Variants in ZBTB5 observed in about 807,000 individuals in gnomAD.
ZBTB5 encodes zinc finger and BTB domain-containing protein 5.
In ZBTB5, 15 loss-of-function variants were observed where a neutral mutation model predicts 37.9. The observed-to-expected ratio is 0.40, with a 90% confidence interval of 0.26 to 0.61. The LOEUF (loss-of-function observed/expected upper bound fraction) is 0.61, where lower values mean the gene tolerates loss of function less well. ZBTB5 is among the 20% of genes least tolerant of loss of function. The pLI, the probability that ZBTB5 is intolerant of heterozygous loss-of-function variation, is 0.47. For synonymous variants in ZBTB5, 315 were observed against 312.4 expected (o/e 1.01, Z -0.09); for missense variants, 708 against 856.8 (o/e 0.83, Z 2.17).
chr9:37,459,571 T>C (rs997615381), intron 1 of ZBTB5, among the ~76,000 whole-genome samples: 45 of 151,826 alleles, frequency 3.0e-4, no homozygotes, highest in African/African-American at 9.4e-4. Flanking sequence ...TTTTTTTTTT[T>C]CAGGCAGAGT....
intron 1 of ZBTB5, among the ~76,000 whole-genome samples, chr9:37,464,346 T>A (rs769921436): frequency 1.3e-5 from 2 of 152,236 alleles, no homozygotes; most frequent in Non-Finnish European, 2.9e-5. Context: ...AAGAGTTCCT[T>A]CTATTAATTC....
intron 1 of ZBTB5, 77 bp from the exon 2 acceptor site, chr9:37,442,632 G>C: frequency 1.6e-6 from 2 of 1,213,782 alleles, no homozygotes; most frequent in South Asian, 1.6e-5. Flanking sequence ...ATGATGAAAA[G>C]AGTGGAATGG....
chr9:37,456,440 T>G (rs1178401869), intron 1 of ZBTB5, among the ~76,000 whole-genome samples: 1 of 152,226 alleles, frequency 6.6e-6, no homozygotes, highest in East Asian at 1.9e-4. Flanking sequence ...TATCTCTGGT[T>G]CTGCTCTGTC....
intron 1 of ZBTB5, among the ~76,000 whole-genome samples, chr9:37,448,944 T>G (rs1824046085): frequency 6.6e-6 from 1 of 151,428 alleles, no homozygotes; most frequent in Admixed American, 6.6e-5. Context: ...CTGGGGAGGC[T>G]GAGGCAGGAG....
Position 37,458,827 on chromosome 9 carries a change from A to C in ZBTB5, c.-5+6388T>G, listed in dbSNP as rs147239779. On this transcript the variant is annotated intron_variant, in intron 1 of 1. Transcript: ENST00000307750. ...GCTATAAAACAAGGTATGGGTAAAA[A>C]TTCATTCAAGGTACAAAACATAAGC... 1.9e-3 allele frequency among the ~76,000 whole-genome samples: 295 copies of C among 152,382 alleles called. 2 individuals are homozygous for C. Among genetic ancestry groups the C allele is most frequent in the African/African-American group, 6.8e-3 (282 of 41,590 alleles).
chr9:37,445,349 A>C (rs529151444), intron 1 of ZBTB5, among the ~76,000 whole-genome samples: 1 of 152,290 alleles, frequency 6.6e-6, no homozygotes, highest in East Asian at 1.9e-4. Flanking sequence ...TGTTATTTAG[A>C]AGTATAGAAG....
chr9:37,441,407 G>T lies in ZBTB5; in HGVS notation c.1145C>A (p.Pro382His). 6.2e-7 allele frequency: 1 copy of T among 1,613,722 alleles called. No individual in the cohort carries two copies. Among genetic ancestry groups the T allele is most frequent in the Non-Finnish European group, 8.5e-7 (1 of 1,179,952 alleles). ...PESSDRSFSD[P>H]QSSTDRVGDI... ...ACCTACCCTGTCTGTGCTAGACTGG[G>T]GATCTGAAAAACTCCGATCACTGCT... The change falls in exon 2 of 2, where the codon CCC becomes CAC. Residue 382 changes from proline to histidine, a missense_variant. Around this residue, in one of 3 missense-constraint regions of ZBTB5, gnomAD observed 639 missense variants for 690.5 expected, o/e 0.93. Transcript: ENST00000307750.
At chr9:37,456,761 G>C (rs1824194616) in intron 1 of ZBTB5, among the ~76,000 whole-genome samples, 1 of 152,172 alleles carries the variant, frequency 6.6e-6, no homozygotes, top group South Asian at 2.1e-4. Flanking sequence ...CTCTCTCAAA[G>C]TGCCTGACAT....
In ZBTB5 at chr9:37,465,356, C is replaced by G. The variant is rs376611844; in HGVS notation, c.-146G>C. On this transcript the variant is annotated 5_prime_UTR_variant, in exon 1 of 2. Coordinates refer to ENST00000307750, the MANE Select transcript of ZBTB5 (RefSeq NM_014872.3). ...CTTCCTCCCCCTTCCACCCGCCCCC[C>G]TCCCACCCCGCCTCTAGTCCCCTAG... is the stretch of plus-strand genomic sequence containing the variant. 1 of 151,416 alleles carries G rather than the reference C, an allele frequency of 6.6e-6. No homozygotes were observed. The highest frequency in any genetic ancestry group is 2.1e-4 in the South Asian group (1 of 4,782). 9.4% of individuals were successfully genotyped at this position (151,416 alleles called of 1,614,324 possible). A position where few individuals can be genotyped will look rare whatever the true frequency, so the allele number is the denominator to read the frequency against.
chr9:37,440,551 C>G lies in ZBTB5; in HGVS notation c.2001G>C (p.Trp667Cys). The G allele has an allele frequency of 6.2e-7, 1 of 1,614,226 alleles. No homozygotes were observed. The highest frequency in any genetic ancestry group is 8.5e-7 in the Non-Finnish European group (1 of 1,180,038). ...AAGTGCTGGGAAGATTGCTGCTCTG[C>G]CAGCGCAGGCAGGTAGTCTTTGAGT... ...YKHSKTTCLR[W>C]QSSNLPSTLL Residue 667 changes from tryptophan (W) to cysteine (C), a missense_variant, in exon 2 of 2, where the codon TGG becomes TGC. This residue lies in a region of ZBTB5 where 42 missense variants were observed against 107.9 expected (regional missense o/e 0.39). Transcript: ENST00000307750.
intron 1 of ZBTB5, among the ~76,000 whole-genome samples, chr9:37,443,939 C>T (rs976392341): frequency 6.7e-6 from 1 of 149,830 alleles, no homozygotes; most frequent in African/African-American, 2.5e-5. Context: ...AAAAATTAGC[C>T]GAGCATGGTG....
intron 1 of ZBTB5, among the ~76,000 whole-genome samples, chr9:37,447,906 C>G (rs1395042315): frequency 6.6e-6 from 1 of 151,432 alleles, no homozygotes; most frequent in East Asian, 1.9e-4. Context: ...CTGTAATTCC[C>G]AGTACTTTGG....
Position 37,440,908 on chromosome 9 carries a change from G to C in ZBTB5, c.1644C>G (p.Val548=). The change falls in exon 2 of 2, where the codon GTC becomes GTG. Residue 548 remains valine, a synonymous_variant. Coordinates refer to ENST00000307750, the MANE Select transcript of ZBTB5 (RefSeq NM_014872.3). The part of the protein sequence containing the change: ...IAPKMPVVTS[V]RSSQIPENST... ...AGTTTTCTGGGATCTGTGAGCTCCTGACGGAAGTTACAACTGGCATTTTGG... is the reference window on the plus strand; with the variant it reads ...AGTTTTCTGGGATCTGTGAGCTCCTCACGGAAGTTACAACTGGCATTTTGG... 6.2e-7 allele frequency: 1 copy of C among 1,614,186 alleles called. No homozygotes were observed. The highest frequency in any genetic ancestry group is 1.1e-5 in the South Asian group (1 of 91,082).
intron 1 of ZBTB5, among the ~76,000 whole-genome samples, chr9:37,461,028 G>A (rs1447846650): frequency 6.6e-6 from 1 of 152,160 alleles, no homozygotes; most frequent in East Asian, 1.9e-4. Context: ...TACTTTCAAA[G>A]CAGTATATGC....
In ZBTB5 at chr9:37,441,153, C is replaced by T. The variant is rs1290161443; in HGVS notation, c.1399G>A (p.Glu467Lys). 1 of 1,613,802 alleles carries T rather than the reference C, an allele frequency of 6.2e-7. No individual in the cohort carries two copies. Among genetic ancestry groups the T allele is most frequent in the African/African-American group, 1.3e-5 (1 of 74,896 alleles). The stretch of plus-strand genomic sequence containing the variant: ...TCTGCAGGTTCACTAAATGGGTTCT[C>T]TACATGGGAGCCAGGGGCAGAGGAG... ...GPSSAPGSHVENPFSEPADSH... is the reference protein window; with the variant it reads ...GPSSAPGSHVKNPFSEPADSH... The change falls in exon 2 of 2, where the codon GAG (glutamate) becomes AAG (lysine). Residue 467 changes from glutamate (E) to lysine (K), a missense_variant. By Grantham distance (56) the Glu-to-Lys change is moderately conservative (BLOSUM62 1). This residue lies in a region of ZBTB5 where 639 missense variants were observed against 690.5 expected (regional missense o/e 0.93). Coordinates refer to ENST00000307750, the MANE Select transcript of ZBTB5 (RefSeq NM_014872.3).
In ZBTB5 at chr9:37,441,354, T is replaced by G; in HGVS notation, c.1198A>C (p.Asn400His). ...GDIHILEVTN[N>H]LEHKSTFSIS... ...CTAAAAGTGGACTTATGCTCTAGGT[T>G]ATTTGTGACTTCCAAAATATGGATA... Residue 400 changes from asparagine to histidine, a missense_variant, in exon 2 of 2, where the codon AAC becomes CAC. Around this residue, in one of 3 missense-constraint regions of ZBTB5, gnomAD observed 639 missense variants for 690.5 expected, o/e 0.93. Transcript: ENST00000307750. The G allele has an allele frequency of 1.2e-6, 2 of 1,614,142 alleles. No homozygotes were observed. The highest frequency in any genetic ancestry group is 1.7e-6 in the Non-Finnish European group (2 of 1,180,038).
chr9:37,440,774 G>C lies in ZBTB5; in HGVS notation c.1778C>G (p.Ser593Ter). Residue 593 changes from serine (S) to a stop codon, truncating the protein, a stop_gained, in exon 2 of 2, where the codon TCA becomes TGA. Coordinates refer to ENST00000307750, the MANE Select transcript of ZBTB5 (RefSeq NM_014872.3). LOFTEE classifies it high-confidence loss of function. ...QLTRASADVL[S>*]KCKKALSEHN... is the part of the protein sequence containing the mutation. Reference sequence around the variant, plus strand: ...CTCTGATAAGGCCTTCTTGCACTTTGACAGAACATCTGCAGATGCCCTGGT... The same window carrying C: ...CTCTGATAAGGCCTTCTTGCACTTTCACAGAACATCTGCAGATGCCCTGGT... 6.2e-7 allele frequency: 1 copy of C among 1,614,240 alleles called. No homozygotes were observed. Among genetic ancestry groups the C allele is most frequent in the Non-Finnish European group, 8.5e-7 (1 of 1,180,052 alleles).
At position 37,439,987 on chromosome 9, in the gene ZBTB5, A is replaced by G. The variant is rs1313956582; in HGVS notation, c.*531T>C. ...TATGACTGCAAATCAGGTAAAAATA[A>G]AAAATACAGTACTTTGAGGCCTAGG... On this transcript the variant is annotated 3_prime_UTR_variant, in exon 2 of 2. Transcript: ENST00000307750. 1 of 157,340 alleles carries G rather than the reference A, an allele frequency of 6.4e-6. No individual in the cohort carries two copies. Among genetic ancestry groups the G allele is most frequent in the Non-Finnish European group, 1.4e-5 (1 of 70,940 alleles). The allele number at this position is 157,340 out of a possible 1,614,324, so 9.7% of individuals were successfully genotyped here.
At chr9:37,455,526 A>C (rs1824171032) in intron 1 of ZBTB5, among the ~76,000 whole-genome samples, 1 of 152,260 alleles carries the variant, frequency 6.6e-6, no homozygotes. Flanking sequence ...TAGCATGCCC[A>C]ATGGGGCTTC....
Sources: gnomAD v4.1 joint callset for allele counts (sites outside exome capture counted in the v4.1 genomes callset) on GRCh38, gnomAD v4.1.1 for gene constraint, gnomAD v4.1.1 regional missense constraint, MANE v1.5 for transcripts, NCBI Gene and HGNC (gene_info 2026-07-23, HGNC 2026-07-21) for gene names.